Variants in IRAK3 observed in about 807,000 individuals in gnomAD.
IRAK3 encodes interleukin-1 receptor-associated kinase 3.
IRAK3 carries 57 observed loss-of-function variants against 56.6 expected under a neutral mutation model. That is an observed-to-expected ratio of 1.01 (90% CI 0.81 to 1.26). The LOEUF is 1.26. IRAK3 is among the 50% of genes most tolerant of loss of function. The probability of loss-of-function intolerance (pLI) is 0.00; values close to 1 mark genes in which losing one functional copy is unlikely to be tolerated. For synonymous variants in IRAK3, 258 were observed against 255.7 expected (o/e 1.01, Z -0.09); for missense variants, 703 against 719.0 (o/e 0.98, Z 0.25).
chr12:66,199,676 GTAT>G (rs2052488436), intron 1 of IRAK3, among the ~76,000 whole-genome samples: 2 of 152,090 alleles, frequency 1.3e-5, no homozygotes, highest in Non-Finnish European at 2.9e-5. Context: ...TACAATTACT[GTAT>G]TACTGGCATA....
chr12:66,243,137 GGA>G (rs1211886311), intron 8 of IRAK3, among the ~76,000 whole-genome samples: 1 of 151,776 alleles, frequency 6.6e-6, no homozygotes, highest in Non-Finnish European at 1.5e-5. Flanking sequence ...GACAAAGTCT[GGA>G]CTAGAATCTT....
intron 8 of IRAK3, among the ~76,000 whole-genome samples, chr12:66,241,280 A>G (rs937100819): frequency 1.3e-5 from 2 of 152,124 alleles, no homozygotes; most frequent in African/African-American, 4.8e-5. Context: ...AGTAGAACAA[A>G]TCGATTGTAG....
At chr12:66,230,060 G>C (rs1328142379) in intron 8 of IRAK3, among the ~76,000 whole-genome samples, 1 of 152,194 alleles carries the variant, frequency 6.6e-6, no homozygotes, top group Non-Finnish European at 1.5e-5. Flanking sequence ...TGGGGACAGA[G>C]GGTCACTAAC....
chr12:66,246,139 G>C (rs2053031141), intron 11 of IRAK3, among the ~76,000 whole-genome samples: 1 of 152,164 alleles, frequency 6.6e-6, no homozygotes, highest in South Asian at 2.1e-4. Context: ...GCCCATGGAA[G>C]TTAAGGAAGC....
At chr12:66,200,179 CAG>C (rs1266527494) in intron 1 of IRAK3, among the ~76,000 whole-genome samples, 3 of 152,162 alleles carry the variant, frequency 2.0e-5, no homozygotes, top group Non-Finnish European at 2.9e-5. Context: ...CAAGTTGTAA[CAG>C]AGTAACAAAA....
chr12:66,224,586 C>T (rs1308745821), intron 6 of IRAK3, among the ~76,000 whole-genome samples: 3 of 152,090 alleles, frequency 2.0e-5, no homozygotes, highest in Non-Finnish European at 4.4e-5. Flanking sequence ...GCTTCTGATT[C>T]CTTTTTTCCC....
chr12:66,214,971 A>G (rs187270781), intron 5 of IRAK3, among the ~76,000 whole-genome samples: 191 of 152,330 alleles, frequency 1.3e-3, no homozygotes, highest in Non-Finnish European at 2.0e-3. Context: ...CCGAGTTTGC[A>G]GCTTGCATTA....
intron 8 of IRAK3, chr12:66,233,985 C>G: frequency 6.9e-7 from 1 of 1,441,138 alleles, no homozygotes; most frequent in Non-Finnish European, 9.5e-7. Context: ...TCAATAATTT[C>G]CTAAAGCACA....
intron 8 of IRAK3, among the ~76,000 whole-genome samples, chr12:66,239,670 C>G (rs762382849): frequency 6.6e-6 from 1 of 152,104 alleles, no homozygotes; most frequent in African/African-American, 2.4e-5. Context: ...ATATATAATT[C>G]TTTTTCCTCA....
intron 1 of IRAK3, among the ~76,000 whole-genome samples, chr12:66,195,965 T>C (rs1224993497): frequency 1.4e-5 from 2 of 143,326 alleles, no homozygotes; most frequent in Non-Finnish European, 3.1e-5. Flanking sequence ...CCATGGCCAC[T>C]CTTTTAAAAT....
rs188849966 is a variant in IRAK3, at chr12:66,223,727, T to G, written c.654-2996T>G. 2.1e-3 allele frequency among the ~76,000 whole-genome samples: 326 copies of G among 151,682 alleles called. 1 individual carries two copies. The highest frequency in any genetic ancestry group is 7.7e-3 in the African/African-American group (317 of 41,366). On this transcript the variant is annotated intron_variant, in intron 6 of 11. Coordinates refer to ENST00000261233, the MANE Select transcript of IRAK3 (RefSeq NM_007199.3). ...CATTACTTTTTTTTATTTTTATTTT[T>G]TTTTGAGACGGAGTCTTGCTCTGTC... is the stretch of plus-strand genomic sequence containing the variant.
chr12:66,243,270 C>T (rs1393026934), intron 8 of IRAK3, among the ~76,000 whole-genome samples: 3 of 152,178 alleles, frequency 2.0e-5, no homozygotes, highest in Non-Finnish European at 2.9e-5. Context: ...GGGGCCTGCC[C>T]GTTAACCTAC....
rs776392808 is a variant in IRAK3 at position 66,245,201 on chromosome 12, T to A, written c.1253T>A (p.Leu418His). ...TGCCCTCGGAATTTCTCTGCCAAGC[T>A]CTTCTGTTTGGCAGGCCGGTGTGCT... ...PPCPRNFSAK[L>H]FCLAGRCAAT... Residue 418 changes from leucine to histidine, a missense_variant, in exon 11 of 12, where the codon CTC becomes CAC. By Grantham distance (99) the Leu-to-His change is moderately conservative (BLOSUM62 -3). Transcript: ENST00000261233. 6.2e-7 allele frequency: 1 copy of A among 1,614,164 alleles called. No individual in the cohort carries two copies. The highest frequency in any genetic ancestry group is 1.1e-5 in the South Asian group (1 of 91,086).
At chr12:66,208,689 AG>A (rs1392940066) in intron 2 of IRAK3, among the ~76,000 whole-genome samples, 5 of 151,800 alleles carry the variant, frequency 3.3e-5, no homozygotes, top group Non-Finnish European at 7.4e-5. Context: ...TGAACCCAGG[AG>A]GCGGAGGTTG....
chr12:66,234,379 A>G, intron 8 of IRAK3: 6 of 1,612,236 alleles, frequency 3.7e-6, no homozygotes, highest in Non-Finnish European at 2.5e-6. Context: ...GTTGCGTCCA[A>G]GAAGGACTTT....
chr12:66,220,607 G>A lies in IRAK3; in HGVS notation c.653+3372G>A, dbSNP rs1272398762. On this transcript the variant is annotated intron_variant, in intron 6 of 11. Coordinates refer to ENST00000261233, the MANE Select transcript of IRAK3 (RefSeq NM_007199.3). The stretch of plus-strand genomic sequence containing the variant: ...GGGATCTCGGCTCACTGCAAGCTCC[G>A]CCTCCCGGGTTCACGCCATTCTCCT... 1.0e-4 allele frequency among the ~76,000 whole-genome samples: 13 copies of A among 126,956 alleles called. No individual in the cohort carries two copies. The East Asian group carries it at 1.5e-3, about 14-fold the overall frequency. The allele number at this position is 126,956 out of a possible 152,430, so 83.3% of individuals were successfully genotyped here.
At chr12:66,239,456 G>T (rs2052942047) in intron 8 of IRAK3, among the ~76,000 whole-genome samples, 1 of 152,142 alleles carries the variant, frequency 6.6e-6, no homozygotes, top group South Asian at 2.1e-4. Context: ...GGACACCCTT[G>T]CCTGAAGACC....
In IRAK3 at chr12:66,203,802, C is replaced by T; in HGVS notation, c.225C>T (p.Ser75=). 6.2e-7 allele frequency: 1 copy of T among 1,613,830 alleles called. No homozygotes were observed. Among genetic ancestry groups the T allele is most frequent in the South Asian group, 1.1e-5 (1 of 91,066 alleles). Residue 75 remains serine (S), a synonymous_variant, in exon 2 of 12, where the codon TCC becomes TCT. Transcript: ENST00000261233. ...GTGGAACAAGAGAATTACTTTGGTC[C>T]TGGGCACAGAAAAACAAGACCATCG... ...GKSGTRELLW[S]WAQKNKTIGD...
At chr12:66,197,322 T>C in intron 1 of IRAK3, 1 of 1,042,730 alleles carries the variant, frequency 9.6e-7, no homozygotes, top group Non-Finnish European at 1.2e-6. Flanking sequence ...CAAAGTCCTA[T>C]ATTCTGAAAG....
Sources: allele counts gnomAD v4.1 joint callset (sites outside exome capture counted in the v4.1 genomes callset), GRCh38; gene constraint gnomAD v4.1.1; transcripts MANE v1.5; gene names NCBI Gene and HGNC (gene_info 2026-07-23, HGNC 2026-07-21).